The following SH3KBP1 variants were observed in gnomAD, a reference collection of about 807,000 sequenced individuals.
SH3KBP1 encodes SH3 domain-containing kinase-binding protein 1.
A neutral mutation model predicts 50.1 loss-of-function variants in SH3KBP1; 8 were observed. The observed-to-expected ratio is 0.16, with a 90% CI of 0.09 to 0.29. SH3KBP1 has a LOEUF of 0.29. Among genes scored for constraint, SH3KBP1 ranks in the 10% least tolerant of loss-of-function variants. The pLI, the probability that SH3KBP1 is intolerant of heterozygous loss-of-function variation, is 1.00. For synonymous variants in SH3KBP1, 227 were observed against 218.6 expected (o/e 1.04, Z -0.34); for missense variants, 377 against 535.2 (o/e 0.70, Z 2.92).
intron 2 of SH3KBP1, among the ~76,000 whole-genome samples, chrX:19,811,353 T>C (rs980643663): frequency 1.8e-5 from 2 of 111,528 alleles, no homozygotes; most frequent in African/African-American, 6.6e-5. Flanking sequence ...CTTGATAGCG[T>C]TTATGGTTTT....
rs768863618 is a variant in SH3KBP1, at chrX:19,722,363, C to G, written c.287-15379G>C. Among the ~76,000 whole-genome samples the G allele has an allele frequency of 2.7e-5, 3 of 112,019 alleles. No individual in the cohort carries two copies. In the South Asian group the frequency reaches 1.1e-3, roughly 41 times the overall value. ...GCTGACACCTGCCACAGCCTCATTA[C>G]CCTCCCCCAACTCAGCCCTACTTTT... On this transcript the variant is annotated intron_variant, in intron 3 of 17. Transcript: ENST00000397821.
At chrX:19,747,203 T>C (rs753243909) in intron 2 of SH3KBP1, among the ~76,000 whole-genome samples, 12 of 112,491 alleles carry the variant, frequency 1.1e-4, no homozygotes, top group Admixed American at 1.9e-4. Context: ...CAAAGCTCCA[T>C]TAAGATCTAG....
At chrX:19,863,100 T>C (rs1569491061) in intron 1 of SH3KBP1, among the ~76,000 whole-genome samples, 1 of 112,388 alleles carries the variant, frequency 8.9e-6, no homozygotes, top group East Asian at 2.8e-4. Context: ...ATCCCGGCAC[T>C]GGAATACAGT....
At chrX:19,631,676 C>T (rs1428827261) in intron 8 of SH3KBP1, among the ~76,000 whole-genome samples, 188 bp downstream of exon 8, 2 of 112,257 alleles carry the variant, frequency 1.8e-5, no homozygotes, top group African/African-American at 3.2e-5. Context: ...AATCTATTCT[C>T]GTCTCAACGA....
intron 6 of SH3KBP1, among the ~76,000 whole-genome samples, chrX:19,681,660 C>T (rs749379531): frequency 3.7e-4 from 41 of 110,012 alleles, no homozygotes; most frequent in African/African-American, 1.1e-3. Context: ...GCAGAGTGGC[C>T]CAGGCTGAGG....
intron 7 of SH3KBP1, among the ~76,000 whole-genome samples, chrX:19,638,408 CA>C (rs59079416): frequency 0.01 from 430 of 42,029 alleles, 2 homozygotes; most frequent in South Asian, 0.017. Flanking sequence ...GACTCCGTCT[CA>C]AAAAAAAAAA....
chrX:19,798,558 C>T (rs1054329577), intron 2 of SH3KBP1, among the ~76,000 whole-genome samples: 8 of 111,844 alleles, frequency 7.2e-5, no homozygotes, highest in Non-Finnish European at 7.5e-5. Context: ...TTAACTTAAA[C>T]GTTAGCTATG....
chrX:19,554,198 T>C (rs1206665563), intron 13 of SH3KBP1, among the ~76,000 whole-genome samples: 1 of 78,735 alleles, frequency 1.3e-5, no homozygotes, highest in Non-Finnish European at 2.2e-5. Flanking sequence ...ATATTATATA[T>C]CATATTAAAA....
intron 13 of SH3KBP1, among the ~76,000 whole-genome samples, chrX:19,566,309 C>CG (rs1365396631): frequency 9.7e-6 from 1 of 103,056 alleles, no homozygotes; most frequent in Non-Finnish European, 2.0e-5. Context: ...ACCCGCCCCC[C>CG]CATCAATACC....
chrX:19,563,127 C>G (rs1318758180), intron 13 of SH3KBP1, among the ~76,000 whole-genome samples: 1 of 112,045 alleles, frequency 8.9e-6, no homozygotes, highest in Non-Finnish European at 1.9e-5. Context: ...CGTGATGGAC[C>G]ACCAAAGGCC....
At chrX:19,636,254 G>A (rs759333018) in intron 7 of SH3KBP1, among the ~76,000 whole-genome samples, 1 of 110,309 alleles carries the variant, frequency 9.1e-6, no homozygotes, top group South Asian at 3.8e-4. Context: ...GCATAAGACT[G>A]AAATCCTAAA....
chrX:19,747,650 A>G (rs1347001478), intron 2 of SH3KBP1: 2 of 340,764 alleles, frequency 5.9e-6, no homozygotes, highest in African/African-American at 5.3e-5. Context: ...CACACTCAAG[A>G]GTGTGTTAGT....
chrX:19,599,963 G>A (rs1202927840), intron 9 of SH3KBP1, among the ~76,000 whole-genome samples: 5 of 109,376 alleles, frequency 4.6e-5, no homozygotes, highest in African/African-American at 6.7e-5. Flanking sequence ...GTGAAACGCC[G>A]TCTCTACTAA....
In SH3KBP1 at chrX:19,590,809, A is replaced by ATT. The variant is rs34366083; in HGVS notation, c.1138+1256_1138+1257dup. On this transcript the variant is annotated intron_variant, in intron 11 of 17. Coordinates refer to ENST00000397821, the MANE Select transcript of SH3KBP1 (RefSeq NM_031892.3). Reference sequence around the variant, plus strand: ...TGGACACAGGCCACCAGGCCTGGCTATTTTTTTTTTTTTTTTTTTTTTTTT... The same window carrying ATT: ...TGGACACAGGCCACCAGGCCTGGCTATTTTTTTTTTTTTTTTTTTTTTTTTTT... 9.0e-3 allele frequency among the ~76,000 whole-genome samples: 214 copies of ATT among 23,757 alleles called. 26 individuals carry two copies. The highest frequency in any genetic ancestry group is 9.6e-3 in the Non-Finnish European group (128 of 13,376). The allele number at this position is 23,757 out of a possible 115,157, so 20.6% of individuals were successfully genotyped here. A position where few individuals can be genotyped will look rare whatever the true frequency, so the allele number is the denominator to read the frequency against.
At chrX:19,819,487 C>G (rs761739841) in intron 2 of SH3KBP1, among the ~76,000 whole-genome samples, 1 of 110,792 alleles carries the variant, frequency 9.0e-6, no homozygotes, top group East Asian at 2.8e-4. Flanking sequence ...GCATGCACCA[C>G]CACGTCCAGC....
chrX:19,752,757 A>G (rs1331041902), intron 2 of SH3KBP1, among the ~76,000 whole-genome samples: 1 of 112,739 alleles, frequency 8.9e-6, no homozygotes, highest in East Asian at 2.8e-4. Context: ...CTGAAAGAAG[A>G]CAGATTCTTT....
At chrX:19,565,051 AT>A (rs59323105) in intron 13 of SH3KBP1, among the ~76,000 whole-genome samples, 141 of 66,508 alleles carry the variant, frequency 2.1e-3, no homozygotes, top group South Asian at 5.0e-3. Flanking sequence ...TTCAACTCCA[AT>A]TTTTTTTTTT....
At chrX:19,548,616 T>C (rs932136617) in intron 14 of SH3KBP1, among the ~76,000 whole-genome samples, 1 of 111,705 alleles carries the variant, frequency 9.0e-6, no homozygotes. Flanking sequence ...ACTCAAACCA[T>C]ACTTCCAGAC....
At chrX:19,587,578 T>C (rs761399232) in intron 12 of SH3KBP1, among the ~76,000 whole-genome samples, 93 of 112,278 alleles carry the variant, frequency 8.3e-4, no homozygotes, top group Non-Finnish European at 2.8e-4. Flanking sequence ...CAATAGGCAA[T>C]AATCAAAATA....
Sources: allele counts gnomAD v4.1 joint callset (sites outside exome capture counted in the v4.1 genomes callset), GRCh38; gene constraint gnomAD v4.1.1; transcripts MANE v1.5; gene names NCBI Gene and HGNC (gene_info 2026-07-23, HGNC 2026-07-21).